TRIM37: variants seen among roughly 807,000 people sequenced by gnomAD.
TRIM37 encodes tripartite motif containing 37.
Under a neutral mutation model 129.8 loss-of-function variants are expected in TRIM37, and 80 were observed. That is an observed-to-expected ratio of 0.62 (90% confidence interval 0.51 to 0.74). The LOEUF is 0.74. Among genes scored for constraint, TRIM37 ranks in the 30% least tolerant of loss-of-function variants. The probability of loss-of-function intolerance (pLI) is 0.00; values close to 1 mark genes in which losing one functional copy is unlikely to be tolerated. For missense variants in TRIM37, 1,054 were observed against 1,176.5 expected, an observed-to-expected ratio of 0.90 and a Z score of 1.52; for synonymous variants, 389 against 387.1, an observed-to-expected ratio of 1.00 and a Z score of -0.06.
At chr17:59,064,595 T>C (rs940991098) in intron 9 of TRIM37, among the ~76,000 whole-genome samples, 190 bp from the exon 10 acceptor site, 9 of 152,180 alleles carry the variant, frequency 5.9e-5, no homozygotes, top group African/African-American at 2.2e-4. Flanking sequence ...TGCAATTAAA[T>C]TGGAGATACA....
intron 9 of TRIM37, among the ~76,000 whole-genome samples, chr17:59,067,133 T>C (rs1417316249): frequency 1.3e-5 from 2 of 152,326 alleles, no homozygotes; most frequent in Middle Eastern, 3.4e-3. Context: ...GCATTCTTTA[T>C]ATGTATATAC....
rs1039827318 is a variant in TRIM37 at position 59,106,815 on chromosome 17, C to G, written c.-354G>C. The stretch of plus-strand genomic sequence containing the variant: ...CGGTGGAGTTCAGCGAAGAAGGTGC[C>G]GCAGAGAATTCGCAAACACCAACCG... On this transcript the variant is annotated 5_prime_UTR_variant, in exon 1 of 24. Coordinates refer to ENST00000262294, the MANE Select transcript of TRIM37 (RefSeq NM_015294.6). 1.0e-5 allele frequency: 5 copies of G among 477,656 alleles called. No individual in the cohort carries two copies. The highest frequency in any genetic ancestry group is 1.1e-5 in the Non-Finnish European group (3 of 264,862). 29.6% of individuals were successfully genotyped at this position (477,656 alleles called of 1,614,324 possible). A position where few individuals can be genotyped will look rare whatever the true frequency, so the allele number is the denominator to read the frequency against.
At chr17:59,105,657 T>A (rs2045927039) in intron 1 of TRIM37, among the ~76,000 whole-genome samples, 1 of 152,200 alleles carries the variant, frequency 6.6e-6, no homozygotes. Context: ...CTCATTAATC[T>A]CATCATGACT....
At chr17:59,010,520 G>C (rs951853845) in intron 22 of TRIM37, among the ~76,000 whole-genome samples, 2 of 152,146 alleles carry the variant, frequency 1.3e-5, no homozygotes, top group African/African-American at 4.8e-5. Context: ...TTGAGATAGA[G>C]TCTCACTCTG....
chr17:59,003,865 C>T lies in TRIM37; in HGVS notation c.2696-2151G>A, dbSNP rs1356610208. ...ACTTGAAAGGCTGAGGCAGGAGGAT[C>T]GCTTGAGCCCAGGAGTTTGGGACTA... On this transcript the variant is annotated intron_variant, in intron 22 of 23. Transcript: ENST00000262294. 5.4e-5 allele frequency among the ~76,000 whole-genome samples: 8 copies of T among 147,392 alleles called. No homozygotes were observed. The East Asian group carries it at 1.6e-3, about 29-fold the overall frequency.
intron 24 of TRIM37, among the ~76,000 whole-genome samples, chr17:58,991,175 C>CAAAAAAA (rs71145510): frequency 1.2e-5 from 1 of 83,658 alleles, no homozygotes; most frequent in Non-Finnish European, 2.4e-5. Flanking sequence ...AACTCTGTCT[C>CAAAAAAA]AAAAAAAAAA....
At chr17:59,065,879 C>T (rs992097526) in intron 9 of TRIM37, among the ~76,000 whole-genome samples, 4 of 152,132 alleles carry the variant, frequency 2.6e-5, no homozygotes, top group African/African-American at 7.2e-5. Context: ...GTACGTATAG[C>T]TAAATAGGTC....
chr17:59,012,744 G>C (rs867899211), intron 21 of TRIM37, among the ~76,000 whole-genome samples: 2 of 151,984 alleles, frequency 1.3e-5, no homozygotes, highest in Non-Finnish European at 2.9e-5. Context: ...AGATATGGTG[G>C]TGGGCGCCTG....
downstream of TRIM37, chr17:58,980,380 C>T (rs2031284688): frequency 5.0e-6 from 8 of 1,614,146 alleles, no homozygotes; most frequent in Non-Finnish European, 6.8e-6. The surrounding 1 kb of genome is among the most constrained non-coding windows in gnomAD (Gnocchi z 4.7). Flanking sequence ...CACCAGCCGA[C>T]CTAGGCTATG....
At chr17:59,000,421 G>GA in intron 23 of TRIM37, among the ~76,000 whole-genome samples, 1 of 152,262 alleles carries the variant, frequency 6.6e-6, no homozygotes, top group Non-Finnish European at 1.5e-5. Flanking sequence ...CCAACATGGT[G>GA]AAACCCTGTC....
rs554815056 is a variant in TRIM37 at position 59,064,713 on chromosome 17, A to C, written c.810-308T>G. Among the ~76,000 whole-genome samples, 37 of 152,334 alleles carry C rather than the reference A, an allele frequency of 2.4e-4. 1 individual carries two copies. ...CATCTGAGGTCGGGAGCTCAAGACC[A>C]GCATGGCCAACATGGTAAAACCCCA... On this transcript the variant is annotated intron_variant, in intron 9 of 23. Transcript: ENST00000262294.
At chr17:59,081,274 A>G (rs768886031) in intron 5 of TRIM37, 55 bp from the exon 6 acceptor site, 2 of 1,594,004 alleles carry the variant, frequency 1.3e-6, no homozygotes, top group Non-Finnish European at 1.7e-6. Context: ...CTGCATTTAC[A>G]TTCCTTTGTA....
At chr17:58,979,920 A>G, downstream of TRIM37, 1 of 1,420,358 alleles carries the variant, frequency 7.0e-7, no homozygotes, top group Non-Finnish European at 9.7e-7. Flanking sequence ...AAACGTTCTT[A>G]GCATGCAAGG....
At chr17:58,974,904 A>G in the TRIM37 span, among the ~76,000 whole-genome samples, 1 of 152,210 alleles carries the variant, frequency 6.6e-6, no homozygotes, top group Non-Finnish European at 1.5e-5. Context: ...ATACCTCCTG[A>G]AAAATTGAGA....
chr17:58,970,960 TTA>T, the TRIM37 span, among the ~76,000 whole-genome samples: 1 of 152,218 alleles, frequency 6.6e-6, no homozygotes, highest in East Asian at 1.9e-4. Flanking sequence ...CTTCTCAAAA[TTA>T]TGTGTTGTTG....
In TRIM37 at chr17:59,106,554, G is replaced by A; in HGVS notation, c.-93C>T. On this transcript the variant is annotated 5_prime_UTR_variant, in exon 1 of 24. Coordinates refer to ENST00000262294, the MANE Select transcript of TRIM37 (RefSeq NM_015294.6). ...CCCGAGGTCGCCAGATCAAATCGCC[G>A]ATAAAAGCCCGGCGCCCACGTCAGG... 6.6e-7 allele frequency: 1 copy of A among 1,517,568 alleles called. No individual in the cohort carries two copies. The highest frequency in any genetic ancestry group is 1.2e-5 in the South Asian group (1 of 86,084). 94.0% of individuals were successfully genotyped at this position (1,517,568 alleles called of 1,614,324 possible). A position where few individuals can be genotyped will look rare whatever the true frequency, so the allele number is the denominator to read the frequency against.
chr17:59,073,521 C>T (rs1172159782), intron 8 of TRIM37, among the ~76,000 whole-genome samples: 1 of 152,138 alleles, frequency 6.6e-6, no homozygotes, highest in Non-Finnish European at 1.5e-5. Context: ...CTTGAACTCA[C>T]TCAAGTGATC....
the TRIM37 span, among the ~76,000 whole-genome samples, chr17:58,975,712 G>A: frequency 2.0e-5 from 3 of 152,194 alleles, no homozygotes; most frequent in African/African-American, 7.2e-5. Flanking sequence ...AGATTGCAAA[G>A]GGCCTTATGT....
At chr17:58,968,951 C>T in the TRIM37 span, among the ~76,000 whole-genome samples, 7 of 152,148 alleles carry the variant, frequency 4.6e-5, no homozygotes, top group Non-Finnish European at 1.0e-4. Context: ...TTTAGAGATG[C>T]TGTGCTATTT....
Sources: allele counts gnomAD v4.1 joint callset (sites outside exome capture counted in the v4.1 genomes callset), GRCh38; gene constraint gnomAD v4.1.1; non-coding constraint Gnocchi (gnomAD v3.1); transcripts MANE v1.5; gene names NCBI Gene and HGNC (gene_info 2026-07-23, HGNC 2026-07-21).